Variants in SHANK2 observed in about 807,000 individuals in gnomAD.
The protein encoded by SHANK2 is SH3 and multiple ankyrin repeat domains 2, also known as SH3 and multiple ankyrin repeat domains protein 2.
SHANK2 carries 43 observed loss-of-function variants against 133.7 expected under a neutral mutation model. The observed-to-expected ratio is 0.32, with a 90% CI of 0.25 to 0.41. The LOEUF (loss-of-function observed/expected upper bound fraction) is 0.41. Ranked by LOEUF, SHANK2 falls within the 10% of genes least tolerant of loss-of-function variation. The probability of loss-of-function intolerance (pLI) is 1.00; values close to 1 mark genes in which losing one functional copy is unlikely to be tolerated. For missense variants in SHANK2, 1,994 were observed against 2,235.8 expected, an observed-to-expected ratio of 0.89 and a Z score of 2.18; for synonymous variants, 1,017 against 952.8, an observed-to-expected ratio of 1.07 and a Z score of -1.24.
chr11:71,201,072 G>A (rs1954009818), intron 2 of SHANK2, among the ~76,000 whole-genome samples: 1 of 152,034 alleles, frequency 6.6e-6, no homozygotes, highest in Admixed American at 6.5e-5. Context: ...AGACAGACAC[G>A]ACAGTGATGG....
At chr11:70,708,460 C>T (rs1411705449) in intron 14 of SHANK2, among the ~76,000 whole-genome samples, 1 of 152,176 alleles carries the variant, frequency 6.6e-6, no homozygotes, top group Non-Finnish European at 1.5e-5. Flanking sequence ...TCCAATCAGT[C>T]CCCGCACTCC....
At chr11:70,718,912 T>C (rs184875366) in intron 14 of SHANK2, among the ~76,000 whole-genome samples, 1 of 152,186 alleles carries the variant, frequency 6.6e-6, no homozygotes, top group East Asian at 1.9e-4. Flanking sequence ...ACTGGCGCTA[T>C]GAGCTTGGGC....
At chr11:70,733,725 G>T (rs1355963096) in intron 14 of SHANK2, among the ~76,000 whole-genome samples, 3 of 152,196 alleles carry the variant, frequency 2.0e-5, no homozygotes, top group Admixed American at 6.5e-5. Flanking sequence ...GTAAGTTAGG[G>T]TGGGCCGTGC....
intron 17 of SHANK2, among the ~76,000 whole-genome samples, chr11:70,511,144 C>G: frequency 6.6e-6 from 1 of 152,178 alleles, no homozygotes. Context: ...TGCCCCAGCG[C>G]CCATCAACAC....
intron 15 of SHANK2, among the ~76,000 whole-genome samples, chr11:70,686,222 C>T: frequency 7.5e-6 from 1 of 134,122 alleles, no homozygotes; most frequent in African/African-American, 2.9e-5. Context: ...ATCCATCCAT[C>T]CATCCATCCA....
At chr11:70,823,499 T>A (rs187466934) in intron 11 of SHANK2, among the ~76,000 whole-genome samples, 2 of 109,562 alleles carry the variant, frequency 1.8e-5, no homozygotes, top group East Asian at 6.7e-4. Flanking sequence ...AGAGGTGGCA[T>A]TGGCAGAACT....
chr11:71,067,654 GGCTT>G (rs1349204124), intron 9 of SHANK2, among the ~76,000 whole-genome samples: 9 of 152,054 alleles, frequency 5.9e-5, no homozygotes, highest in Non-Finnish European at 1.5e-5. Context: ...AACAAGGAGA[GGCTT>G]GTTACAGGAA....
chr11:71,196,182 C>G (rs1366659312), intron 2 of SHANK2, among the ~76,000 whole-genome samples: 2 of 152,118 alleles, frequency 1.3e-5, no homozygotes, highest in African/African-American at 4.8e-5. Flanking sequence ...GAGCAAGACC[C>G]TGTCTCAAAA....
intron 15 of SHANK2, 33 bp from the exon 16 acceptor site, chr11:70,661,711 A>G (rs782046479): frequency 2.5e-6 from 4 of 1,614,118 alleles, no homozygotes; most frequent in Non-Finnish European, 3.4e-6. Flanking sequence ...AGCGACCATT[A>G]TTGTAGCCCG....
chr11:70,683,206 G>A (rs1945065886), intron 15 of SHANK2, among the ~76,000 whole-genome samples: 1 of 152,088 alleles, frequency 6.6e-6, no homozygotes, highest in South Asian at 2.1e-4. Context: ...TCAAACTCCT[G>A]TGCTCAAGCA....
rs1160162303 is a variant in SHANK2, at chr11:70,746,500, TGC to T, written c.1778-47739_1778-47738del. On this transcript the variant is annotated intron_variant, in intron 14 of 25. Coordinates refer to ENST00000601538, the MANE Select transcript of SHANK2 (RefSeq NM_012309.5). ...CTGGACCTTCCTTCAGGGCGGGGGA[TGC>T]GGGGTGCCCCGTGCTCACAGCACGC... Among the ~76,000 whole-genome samples, 23 of 147,814 alleles carry T rather than the reference TGC, an allele frequency of 1.6e-4. No homozygotes were observed. In the East Asian group the frequency reaches 4.7e-3, roughly 30 times the overall value.
chr11:70,729,575 A>G (rs1376766074), intron 14 of SHANK2, among the ~76,000 whole-genome samples: 6 of 147,122 alleles, frequency 4.1e-5, no homozygotes, highest in Non-Finnish European at 5.9e-5. Flanking sequence ...CCCAGGCTGG[A>G]GTGCAGTGGT....
intron 3 of SHANK2, among the ~76,000 whole-genome samples, chr11:71,131,678 T>C (rs1346379045): frequency 1.3e-5 from 2 of 152,134 alleles, no homozygotes; most frequent in African/African-American, 4.8e-5. Context: ...GGCAGAGCCA[T>C]TGTAAAGCAG....
intron 10 of SHANK2, among the ~76,000 whole-genome samples, chr11:70,922,133 T>C (rs1950360853): frequency 6.6e-6 from 1 of 152,212 alleles, no homozygotes; most frequent in South Asian, 2.1e-4. Flanking sequence ...ATCCAACGTC[T>C]ACAATTAAGG....
chr11:70,950,960 C>G (rs148625621), intron 10 of SHANK2: 1 of 163,746 alleles, frequency 6.1e-6, no homozygotes, highest in African/African-American at 2.4e-5. Context: ...TGAGCCACTA[C>G]GCCTGGCCAA....
intron 14 of SHANK2, among the ~76,000 whole-genome samples, chr11:70,776,651 C>G (rs1267130454): frequency 6.6e-6 from 1 of 152,054 alleles, no homozygotes; most frequent in Non-Finnish European, 1.5e-5. Flanking sequence ...CTATAAACAT[C>G]CCCAAGCAAA....
chr11:71,203,689 G>A (rs1319172811), intron 2 of SHANK2, among the ~76,000 whole-genome samples: 1 of 152,246 alleles, frequency 6.6e-6, no homozygotes, highest in Non-Finnish European at 1.5e-5. Context: ...TGGTAAGAGT[G>A]CCTGAGTTCA....
intron 2 of SHANK2, among the ~76,000 whole-genome samples, chr11:71,196,357 C>T (rs1297578911): frequency 1.3e-5 from 2 of 152,054 alleles, no homozygotes; most frequent in Non-Finnish European, 2.9e-5. Flanking sequence ...ATGATCTTGG[C>T]TCACCGCAAC....
chr11:70,483,643 A>G (rs2058764874), intron 25 of SHANK2, among the ~76,000 whole-genome samples: 1 of 151,288 alleles, frequency 6.6e-6, no homozygotes, highest in Admixed American at 6.6e-5. Context: ...TAAGCCCAGG[A>G]GGTCTAGGCT....
Sources: gnomAD v4.1 joint callset for allele counts (sites outside exome capture counted in the v4.1 genomes callset) on GRCh38, gnomAD v4.1.1 for gene constraint, MANE v1.5 for transcripts, NCBI Gene and HGNC (gene_info 2026-07-23, HGNC 2026-07-21) for gene names.